Variants in SLC15A2 observed in about 807,000 individuals in gnomAD.
SLC15A2 encodes the protein kidney H(+)/peptide cotransporter.
In SLC15A2, 77 loss-of-function variants were observed where a neutral mutation model predicts 95.5. The observed-to-expected ratio is 0.81, with a 90% confidence interval of 0.67 to 0.97. SLC15A2 has a LOEUF of 0.97. Among genes scored for constraint, SLC15A2 ranks in the 50% least tolerant of loss-of-function variants. The pLI is 0.00. For synonymous variants in SLC15A2, 306 were observed against 306.9 expected (o/e 1.00, Z 0.03); for missense variants, 893 against 874.4 (o/e 1.02, Z -0.27).
At chr3:121,940,308 G>C in intron 20 of SLC15A2, 76 bp from the exon 21 acceptor site, 1 of 1,074,098 alleles carries the variant, frequency 9.3e-7, no homozygotes, top group Non-Finnish European at 1.4e-6. Flanking sequence ...GCTTTTGTGG[G>C]AGAAGTTTCC....
chr3:121,900,831 C>A (rs952278754), intron 3 of SLC15A2, among the ~76,000 whole-genome samples: 2 of 151,760 alleles, frequency 1.3e-5, no homozygotes, highest in Admixed American at 6.6e-5. Context: ...TGTTTTCTCA[C>A]CCTTATATGA....
At chr3:121,910,192 C>CTTTTT (rs35492489) in intron 3 of SLC15A2, among the ~76,000 whole-genome samples, 9 of 126,968 alleles carry the variant, frequency 7.1e-5, no homozygotes, top group East Asian at 2.2e-4. Flanking sequence ...AGTCACCTAA[C>CTTTTT]TTTTTTTTTT....
intron 3 of SLC15A2, among the ~76,000 whole-genome samples, chr3:121,910,192 CTTTTTTTT>C (rs35492489): frequency 3.9e-5 from 5 of 126,986 alleles, no homozygotes; most frequent in African/African-American, 8.8e-5. Flanking sequence ...AGTCACCTAA[CTTTTTTTT>C]TTTTTTTTTT....
intron 14 of SLC15A2, chr3:121,928,201 G>A (rs1710159459): frequency 5.1e-6 from 3 of 582,546 alleles, no homozygotes; most frequent in Non-Finnish European, 9.0e-6. Flanking sequence ...GAGTCAAAAA[G>A]CATCGAGTTT....
intron 7 of SLC15A2, among the ~76,000 whole-genome samples, chr3:121,916,425 A>G (rs1288917365): frequency 6.6e-6 from 1 of 152,182 alleles, no homozygotes; most frequent in Non-Finnish European, 1.5e-5. Context: ...CTTGGAAGAT[A>G]TCCAGTGCAA....
At chr3:121,896,047 A>G (rs1709408137) in intron 1 of SLC15A2, among the ~76,000 whole-genome samples, 1 of 152,304 alleles carries the variant, frequency 6.6e-6, no homozygotes, top group East Asian at 1.9e-4. Flanking sequence ...CAGGTATTCC[A>G]TAGGCTACCT....
At chr3:121,905,533 A>T (rs1377221014) in intron 3 of SLC15A2, among the ~76,000 whole-genome samples, 2 of 152,134 alleles carry the variant, frequency 1.3e-5, no homozygotes, top group Non-Finnish European at 2.9e-5. Context: ...TGTCCCAGAG[A>T]TTCTGGTATG....
chr3:121,905,738 T>C (rs1559841479), intron 3 of SLC15A2, among the ~76,000 whole-genome samples: 1 of 152,224 alleles, frequency 6.6e-6, no homozygotes, highest in Non-Finnish European at 1.5e-5. Flanking sequence ...TCTGTTTTTT[T>C]ATATTTGCTG....
intron 3 of SLC15A2, among the ~76,000 whole-genome samples, chr3:121,909,878 A>G (rs1488531754): frequency 6.6e-6 from 1 of 152,064 alleles, no homozygotes; most frequent in African/African-American, 2.4e-5. Flanking sequence ...AAGACAATAT[A>G]TCTTCCAATG....
At chr3:121,929,385 TC>T (rs1710186402) in intron 17 of SLC15A2, 37 bp downstream of exon 17, 1 of 1,598,680 alleles carries the variant, frequency 6.3e-7, no homozygotes, top group Non-Finnish European at 8.6e-7. Context: ...CACTCTGTTT[TC>T]TTGAATCTTG....
In SLC15A2 at chr3:121,911,610, C is replaced by T; in HGVS notation, c.372C>T (p.Gly124=). 1 of 1,613,936 alleles carries T rather than the reference C, an allele frequency of 6.2e-7. No homozygotes were observed. Among genetic ancestry groups the T allele is most frequent in the Non-Finnish European group, 8.5e-7 (1 of 1,179,878 alleles). Residue 124 remains glycine, a synonymous_variant, in exon 4 of 22, where the codon GGC becomes GGT. Transcript: ENST00000489711. ...IIYLSLVYVL[G]HVIKSLGALP... ...ATCTCTCCTTGGTGTATGTGCTTGG[C>T]CATGTGATCAAGTCCTTGGGTGCCT... is the stretch of plus-strand genomic sequence containing the variant.
At chr3:121,926,561 T>A (rs982417685) in intron 13 of SLC15A2, among the ~76,000 whole-genome samples, 1 of 152,152 alleles carries the variant, frequency 6.6e-6, no homozygotes, top group African/African-American at 2.4e-5. Flanking sequence ...AGAGGCTGTA[T>A]GAGAAAGTGT....
At chr3:121,926,627 T>C (rs1267754948) in intron 13 of SLC15A2, among the ~76,000 whole-genome samples, 1 of 152,222 alleles carries the variant, frequency 6.6e-6, no homozygotes, top group African/African-American at 2.4e-5. Flanking sequence ...GTACCTCTAC[T>C]AGGGCAGTGT....
chr3:121,927,047 T>G (rs933743440), intron 13 of SLC15A2, among the ~76,000 whole-genome samples: 114 of 152,328 alleles, frequency 7.5e-4, no homozygotes, highest in African/African-American at 2.5e-3. Flanking sequence ...TATACCCCCA[T>G]TTTATTTGGG....
chr3:121,909,912 G>T (rs1004682931), intron 3 of SLC15A2, among the ~76,000 whole-genome samples: 1 of 151,906 alleles, frequency 6.6e-6, no homozygotes, highest in Admixed American at 6.6e-5. Flanking sequence ...CCAAAAGATT[G>T]GACACCCCTG....
intron 7 of SLC15A2, among the ~76,000 whole-genome samples, chr3:121,921,452 G>T (rs1401921302): frequency 6.6e-6 from 1 of 151,640 alleles, no homozygotes; most frequent in African/African-American, 2.4e-5. Context: ...CTTGTACAAG[G>T]TGCTTAATTT....
intron 15 of SLC15A2, 69 bp from the exon 16 acceptor site, chr3:121,928,913 C>A: frequency 6.5e-7 from 1 of 1,530,428 alleles, no homozygotes; most frequent in Non-Finnish European, 8.9e-7. Flanking sequence ...CCCTGAGATG[C>A]TACATCGTGA....
At position 121,913,387 on chromosome 3, in the gene SLC15A2, G is replaced by T. The variant is rs115031346; in HGVS notation, c.528+267G>T. 4.3e-3 allele frequency among the ~76,000 whole-genome samples: 657 copies of T among 152,346 alleles called. 2 individuals are homozygous for T. Among genetic ancestry groups the T allele is most frequent in the Non-Finnish European group, 7.4e-3 (502 of 68,024 alleles). On this transcript the variant is annotated intron_variant, in intron 5 of 21. Coordinates refer to ENST00000489711, the MANE Select transcript of SLC15A2 (RefSeq NM_021082.4). ...GGGATAGTTAGCCTGGACAAGAATT[G>T]AGGAGAATACTATAGCTGCTTATAG...
chr3:121,926,102 G>A (rs1167308054), intron 13 of SLC15A2, among the ~76,000 whole-genome samples: 2 of 152,004 alleles, frequency 1.3e-5, no homozygotes, highest in Non-Finnish European at 2.9e-5. Context: ...GTATGAAGGG[G>A]AGTTCTAGGA....
Sources: gnomAD v4.1 joint callset for allele counts (sites outside exome capture counted in the v4.1 genomes callset) on GRCh38, gnomAD v4.1.1 for gene constraint, MANE v1.5 for transcripts, NCBI Gene and HGNC (gene_info 2026-07-23, HGNC 2026-07-21) for gene names.